The following LRP1B variants were observed in gnomAD, a reference collection of about 807,000 sequenced individuals.
LRP1B encodes LDL receptor related protein 1B, also known as low-density lipoprotein receptor-related protein 1B.
A neutral mutation model predicts 556.6 loss-of-function variants in LRP1B; 217 were observed. That is an observed-to-expected ratio of 0.39 (90% CI 0.35 to 0.44). LRP1B has a LOEUF of 0.44. LRP1B is among the 20% of genes least tolerant of loss of function. The pLI is 1.00. For synonymous variants in LRP1B, 2,047 were observed against 1,865.8 expected (o/e 1.10, Z -2.50); for missense variants, 5,053 against 5,620.8 (o/e 0.90, Z 3.23).
intron 7 of LRP1B, among the ~76,000 whole-genome samples, chr2:141,169,800 C>CA (rs574461113): frequency 0.1 from 8,867 of 87,226 alleles, 517 homozygotes; most frequent in African/African-American, 0.19. Flanking sequence ...ACACCTTAAC[C>CA]AAAAAAAAAA....
chr2:140,811,607 T>G (rs992111097), intron 32 of LRP1B, among the ~76,000 whole-genome samples: 4 of 152,174 alleles, frequency 2.6e-5, no homozygotes, highest in Admixed American at 6.5e-5. Context: ...TTTGAAAACA[T>G]AATGTGGGTG....
chr2:141,202,158 T>C (rs1455080304), intron 6 of LRP1B, among the ~76,000 whole-genome samples: 1 of 152,092 alleles, frequency 6.6e-6, no homozygotes, highest in Non-Finnish European at 1.5e-5. Context: ...CCCCACCTCA[T>C]GCGTCCATGT....
At chr2:142,097,428 G>C (rs1706415810) in intron 1 of LRP1B, among the ~76,000 whole-genome samples, 1 of 149,484 alleles carries the variant, frequency 6.7e-6, no homozygotes, top group South Asian at 2.1e-4. Flanking sequence ...GCAAAAAAAA[G>C]AAGCAACAGT....
chr2:140,371,720 A>T (rs1683007541), intron 69 of LRP1B, among the ~76,000 whole-genome samples: 1 of 151,936 alleles, frequency 6.6e-6, no homozygotes, highest in Non-Finnish European at 1.5e-5. Flanking sequence ...TAATTCTTAC[A>T]TTCACTGTAT....
chr2:141,253,729 C>T (rs1684354874), intron 4 of LRP1B, among the ~76,000 whole-genome samples: 1 of 151,998 alleles, frequency 6.6e-6, no homozygotes, highest in East Asian at 1.9e-4. Flanking sequence ...GGAAACTATT[C>T]TATTTATTAG....
chr2:141,544,368 T>TTCTTCTTCTTCTTCTTCTTCTTCC (rs1559131476), intron 2 of LRP1B, among the ~76,000 whole-genome samples: 20 of 109,936 alleles, frequency 1.8e-4, no homozygotes, highest in African/African-American at 6.0e-4. Context: ...CTTCTTCTTC[T>TTCTTCTTCTTCTTCTTCTTCTTCC]TCTTCTTCTT....
At chr2:141,449,441 C>T (rs1027665025) in intron 3 of LRP1B, among the ~76,000 whole-genome samples, 3 of 152,126 alleles carry the variant, frequency 2.0e-5, no homozygotes, top group Non-Finnish European at 4.4e-5. Context: ...CCCCACCAAA[C>T]CTTACATTTT....
In LRP1B at chr2:141,420,918, C is replaced by T. The variant is rs543782981; in HGVS notation, c.343+59478G>A. 3.3e-5 allele frequency among the ~76,000 whole-genome samples: 5 copies of T among 152,252 alleles called. No homozygotes were observed. In the East Asian group the frequency reaches 9.7e-4, roughly 30 times the overall value. On this transcript the variant is annotated intron_variant, in intron 3 of 90. Transcript: ENST00000389484. ...GGGTGCTTGGTGCACTCTTCTTTTT[C>T]CCTTGAAAGATAGTAAATTGGAGTG...
intron 77 of LRP1B, among the ~76,000 whole-genome samples, chr2:140,339,872 T>G (rs1448577288): frequency 6.6e-6 from 1 of 151,572 alleles, no homozygotes; most frequent in African/African-American, 2.4e-5. Context: ...ATGAAAACTT[T>G]GGCTTCTATT....
chr2:142,022,655 CTTTTA>C (rs1310004460), intron 1 of LRP1B, among the ~76,000 whole-genome samples: 37 of 151,932 alleles, frequency 2.4e-4, no homozygotes, highest in Non-Finnish European at 3.4e-4. Flanking sequence ...AATCTCACTG[CTTTTA>C]TTTTATTTTA....
chr2:140,404,939 A>T (rs1442977175), intron 66 of LRP1B, among the ~76,000 whole-genome samples: 1 of 152,236 alleles, frequency 6.6e-6, no homozygotes, highest in Non-Finnish European at 1.5e-5. Context: ...TCTCATCAGT[A>T]CATGAAACAT....
intron 7 of LRP1B, among the ~76,000 whole-genome samples, chr2:141,082,055 GAA>G (rs1043126382): frequency 5.5e-4 from 83 of 151,894 alleles, no homozygotes; most frequent in Admixed American, 2.9e-3. Context: ...CATGACAAAG[GAA>G]AAAAGATAAA....
At chr2:141,182,077 T>C (rs1681024650) in intron 7 of LRP1B, among the ~76,000 whole-genome samples, 1 of 152,000 alleles carries the variant, frequency 6.6e-6, no homozygotes, top group Non-Finnish European at 1.5e-5. Context: ...CTTGGGGCTC[T>C]TAGTAAATTG....
intron 1 of LRP1B, among the ~76,000 whole-genome samples, chr2:141,819,268 C>G (rs182880090): frequency 1.8e-4 from 27 of 151,250 alleles, no homozygotes; most frequent in Admixed American, 1.6e-3. Context: ...AAAAAAAAAA[C>G]AAAAAACTTT....
intron 2 of LRP1B, among the ~76,000 whole-genome samples, chr2:141,486,288 T>C (rs1000552675): frequency 6.6e-6 from 1 of 152,222 alleles, no homozygotes; most frequent in African/African-American, 2.4e-5. Flanking sequence ...TTTCACTTCT[T>C]ACACTAAATC....
At chr2:141,818,062 ATATT>A (rs1247922236) in intron 1 of LRP1B, among the ~76,000 whole-genome samples, 3 of 152,178 alleles carry the variant, frequency 2.0e-5, no homozygotes, top group Non-Finnish European at 4.4e-5. Context: ...TTAACATCAA[ATATT>A]TATTTATTGT....
intron 6 of LRP1B, among the ~76,000 whole-genome samples, chr2:141,213,599 C>T (rs575901422): frequency 3.4e-4 from 52 of 152,272 alleles, no homozygotes; most frequent in Admixed American, 3.3e-3. Context: ...CAGACAGTGG[C>T]CCCAGCCTGG....
intron 35 of LRP1B, among the ~76,000 whole-genome samples, chr2:140,735,279 A>G (rs1687909171): frequency 6.6e-6 from 1 of 152,208 alleles, no homozygotes; most frequent in Non-Finnish European, 1.5e-5. Context: ...AAAAGGAAAC[A>G]ATGCCTATAA....
At chr2:142,130,306 G>A (rs1707805882) in intron 1 of LRP1B, among the ~76,000 whole-genome samples, 2 of 152,344 alleles carry the variant, frequency 1.3e-5, no homozygotes, top group Admixed American at 6.5e-5. Context: ...CCATCGCGGA[G>A]GGAAGTCTTT....
Sources: gnomAD v4.1 joint callset for allele counts (sites outside exome capture counted in the v4.1 genomes callset) on GRCh38, gnomAD v4.1.1 for gene constraint, MANE v1.5 for transcripts, NCBI Gene and HGNC (gene_info 2026-07-23, HGNC 2026-07-21) for gene names.